The following ITPR3 variants were observed in gnomAD, a reference collection of about 807,000 sequenced individuals.
The protein encoded by ITPR3 is inositol 1,4,5-trisphosphate receptor type 3, also known as inositol 1,4,5-trisphosphate-gated calcium channel ITPR3.
In ITPR3, 173 loss-of-function variants were observed where a neutral mutation model predicts 293.2. The ratio of observed to expected loss-of-function variants is 0.59; its 90% CI spans 0.52 to 0.67. The LOEUF (loss-of-function observed/expected upper bound fraction) is 0.67. ITPR3 is among the 30% of genes least tolerant of loss of function. ITPR3 has a pLI of 0.00. For missense variants in ITPR3, 2,796 were observed against 3,592.1 expected (o/e 0.78, Z 5.66); for synonymous variants, 1,295 against 1,444.4 (o/e 0.90, Z 2.35).
chr6:33,641,263 C>T (rs1403372092), intron 2 of ITPR3, among the ~76,000 whole-genome samples: 4 of 152,154 alleles, frequency 2.6e-5, no homozygotes, highest in African/African-American at 7.2e-5. Context: ...GGGCTGAGAC[C>T]GACTGACAGT....
At chr6:33,648,657 TCATGG>T (rs1764123454) in intron 2 of ITPR3, among the ~76,000 whole-genome samples, 1 of 151,444 alleles carries the variant, frequency 6.6e-6, no homozygotes. Flanking sequence ...AGTGGCACAA[TCATGG>T]CTCACTGCAG....
rs752849040 is a variant in ITPR3 at position 33,688,739 on chromosome 6, A to G, written c.6652A>G (p.Ile2218Val). The G allele has an allele frequency of 1.9e-6, 3 of 1,614,032 alleles. No individual in the cohort carries two copies. Among genetic ancestry groups the G allele is most frequent in the African/African-American group, 1.3e-5 (1 of 74,916 alleles). Residue 2218 changes from isoleucine to valine, a missense_variant, in exon 49 of 58, where the codon ATC (isoleucine) becomes GTC (valine). By Grantham distance (29) the Ile-to-Val change is conservative. Around this residue, in one of 8 missense-constraint regions of ITPR3, gnomAD observed 568 missense variants for 796.1 expected, o/e 0.71. Transcript: ENST00000605930. ...SFNLAVFINI[I>V]IAFFYPYMEG... ...CAACCTGGCCGTGTTTATCAACATC[A>G]TCATTGCCTTCTTCTACCCTTACAT...
chr6:33,645,849 G>A (rs945921333), intron 2 of ITPR3, among the ~76,000 whole-genome samples: 9 of 147,330 alleles, frequency 6.1e-5, no homozygotes, highest in South Asian at 4.3e-4. Flanking sequence ...TTTTTCTTTC[G>A]TTTTTTGAGA....
chr6:33,623,334 T>TG (rs1321791832), intron 1 of ITPR3, among the ~76,000 whole-genome samples: 3 of 148,930 alleles, frequency 2.0e-5, no homozygotes, highest in Non-Finnish European at 3.0e-5. Context: ...TTGTTTTTTT[T>TG]TTTTTTTTTT....
At position 33,672,315 on chromosome 6, in the gene ITPR3, C is replaced by T. The variant is rs2127287060; in HGVS notation, c.2928+87C>T. On this transcript the variant is annotated intron_variant, in intron 22 of 57. Coordinates refer to ENST00000605930, the MANE Select transcript of ITPR3 (RefSeq NM_002224.4). The surrounding 1 kb of genome is among the most constrained non-coding windows in gnomAD (Gnocchi z 5.0). ...CAGGGAGGCTGGGCAGGGCGAACCC[C>T]TTCAGATCTCAGTATTTAGTACTGG... 2 of 1,161,236 alleles carry T rather than the reference C, an allele frequency of 1.7e-6. 1 individual carries two copies. Among genetic ancestry groups the T allele is most frequent in the Middle Eastern group, 4.1e-4 (2 of 4,908 alleles). 71.9% of individuals were successfully genotyped at this position (1,161,236 alleles called of 1,614,324 possible).
In ITPR3 at chr6:33,666,995, T is replaced by A; in HGVS notation, c.1552-134T>A. On this transcript the variant is annotated intron_variant, in intron 14 of 57. Transcript: ENST00000605930. The surrounding 1 kb of genome is among the most constrained non-coding windows in gnomAD (Gnocchi z 5.1). ...GCTGGGCTGGGGTTGTGGTCCAGCT[T>A]AGAATCAGCTCGAAGCTGATGTCCG... 3.7e-6 allele frequency: 4 copies of A among 1,067,580 alleles called. No individual in the cohort carries two copies. The highest frequency in any genetic ancestry group is 5.5e-6 in the Non-Finnish European group (4 of 727,504). 66.1% of individuals were successfully genotyped at this position (1,067,580 alleles called of 1,614,324 possible).
At chr6:33,653,963 C>T (rs559682337) in intron 2 of ITPR3, among the ~76,000 whole-genome samples, 52 of 152,252 alleles carry the variant, frequency 3.4e-4, no homozygotes, top group East Asian at 2.3e-3. Context: ...AGGGCCGAGC[C>T]GAACCCATAA....
rs373132272 is a variant in ITPR3, at chr6:33,677,020, C to T, written c.3453C>T (p.Pro1151=). Residue 1151 remains proline, a synonymous_variant, in exon 27 of 58, where the codon CCC becomes CCT. Coordinates refer to ENST00000605930, the MANE Select transcript of ITPR3 (RefSeq NM_002224.4). ...CTTCCTCTCTCTGCTTTCAGCGTCC[C>T]ACGGACGAGGAGGGCTTTCTGCACC... ...AGAAKDKKER[P]TDEEGFLHPP... The T allele has an allele frequency of 5.0e-6, 8 of 1,614,164 alleles. No homozygotes were observed. Among genetic ancestry groups the T allele is most frequent in the Non-Finnish European group, 5.9e-6 (7 of 1,180,006 alleles).
chr6:33,689,143 G>A (rs1474919609), intron 49 of ITPR3, 95 bp from the exon 50 acceptor site: 25 of 1,404,218 alleles, frequency 1.8e-5, no homozygotes, highest in South Asian at 5.0e-5. Flanking sequence ...CCGGGAAGGC[G>A]GCCAGGAGAA....
Position 33,679,869 on chromosome 6 carries a change from C to A in ITPR3, c.3973-13C>A. ...ACCGAGAGAGTGTGACACGTGCCCCCTCCCACCCGCAGCTGACCAATGCAG... is the reference window on the plus strand; with the variant it reads ...ACCGAGAGAGTGTGACACGTGCCCCATCCCACCCGCAGCTGACCAATGCAG... On this transcript the variant is annotated splice_polypyrimidine_tract_variant and intron_variant, in intron 30 of 57. Transcript: ENST00000605930. The surrounding 1 kb of genome is among the most constrained non-coding windows in gnomAD (Gnocchi z 4.2). 2 of 1,604,954 alleles carry A rather than the reference C, an allele frequency of 1.2e-6. No individual in the cohort carries two copies. Among genetic ancestry groups the A allele is most frequent in the Admixed American group, 1.7e-5 (1 of 59,780 alleles).
intron 43 of ITPR3, 89 bp downstream of exon 43, chr6:33,686,608 G>GATGTGTAATGTGGGTGTTAGCATT: frequency 1.0e-6 from 1 of 976,262 alleles, no homozygotes; most frequent in Non-Finnish European, 1.7e-6. Flanking sequence ...TGTACATAGT[G>GATGTGTAATGTGGGTGTTAGCATT]GTGTGTAATG....
At chr6:33,695,489 C>G (rs749216602) in intron 57 of ITPR3, 1 of 585,304 alleles carries the variant, frequency 1.7e-6, no homozygotes, top group Admixed American at 3.1e-5. Context: ...GGGCTGGTTT[C>G]CCAGCTGCAT....
Position 33,662,966 on chromosome 6 carries a change from G to A in ITPR3, c.914G>A (p.Arg305His), listed in dbSNP as rs560642079. The A allele has an allele frequency of 6.9e-6, 11 of 1,604,260 alleles. No individual in the cohort carries two copies. Among genetic ancestry groups the A allele is most frequent in the South Asian group, 2.2e-5 (2 of 89,160 alleles). The change falls in exon 9 of 58, where the codon CGC becomes CAC. Residue 305 changes from arginine to histidine, a missense_variant. Transcript: ENST00000605930. The stretch of plus-strand genomic sequence containing the variant: ...GCTGGGCACTGGAATGGCTTGTACC[G>A]CTTCAAGCACCTGGCTACAGGCAAC... ...GGAGHWNGLY[R>H]FKHLATGNYL... is the part of the protein sequence containing the mutation.
intron 1 of ITPR3, among the ~76,000 whole-genome samples, chr6:33,625,934 G>C (rs1297556852): frequency 6.6e-6 from 1 of 152,148 alleles, no homozygotes; most frequent in Non-Finnish European, 1.5e-5. Flanking sequence ...AACTTGTTGG[G>C]TGGTTTCTGT....
At chr6:33,649,979 G>A (rs1764150595) in intron 2 of ITPR3, among the ~76,000 whole-genome samples, 1 of 152,150 alleles carries the variant, frequency 6.6e-6, no homozygotes, top group South Asian at 2.1e-4. Context: ...TTTAATAAAT[G>A]AATAGCCTCT....
rs1764400103 is a variant in ITPR3 at position 33,659,452 on chromosome 6, T to C, written c.628-14T>C. On this transcript the variant is annotated splice_polypyrimidine_tract_variant and intron_variant, in intron 6 of 57. Coordinates refer to ENST00000605930, the MANE Select transcript of ITPR3 (RefSeq NM_002224.4). Reference sequence around the variant, plus strand: ...GGTCCACCTGGCGTCACGGGTCTTGTCACCCTTCCGCAGGTCAATTCTGTG... The same window carrying C: ...GGTCCACCTGGCGTCACGGGTCTTGCCACCCTTCCGCAGGTCAATTCTGTG... The C allele has an allele frequency of 6.2e-7, 1 of 1,613,398 alleles. No homozygotes were observed. Among genetic ancestry groups the C allele is most frequent in the African/African-American group, 1.3e-5 (1 of 74,906 alleles).
intron 2 of ITPR3, among the ~76,000 whole-genome samples, chr6:33,643,740 G>A (rs1402732364): frequency 1.3e-5 from 2 of 152,148 alleles, no homozygotes; most frequent in Non-Finnish European, 2.9e-5. Context: ...ACATGTGTGT[G>A]GGGGCAGGTG....
chr6:33,657,302 C>T (rs1764332228), intron 3 of ITPR3, among the ~76,000 whole-genome samples: 1 of 152,200 alleles, frequency 6.6e-6, no homozygotes, highest in South Asian at 2.1e-4. Context: ...TCCAGTCTAA[C>T]AGAGGACAGA....
At chr6:33,627,248 A>G (rs533263498) in intron 1 of ITPR3, among the ~76,000 whole-genome samples, 2 of 152,108 alleles carry the variant, frequency 1.3e-5, no homozygotes, top group South Asian at 2.1e-4. Flanking sequence ...AAAAAAAAAT[A>G]TACATTCCAT....
Sources: gnomAD v4.1 joint callset for allele counts (sites outside exome capture counted in the v4.1 genomes callset) on GRCh38, gnomAD v4.1.1 for gene constraint, gnomAD v4.1.1 regional missense constraint, Gnocchi (gnomAD v3.1) non-coding constraint, MANE v1.5 for transcripts, NCBI Gene and HGNC (gene_info 2026-07-23, HGNC 2026-07-21) for gene names.